C19orf38: variants seen among roughly 807,000 people sequenced by gnomAD.
C19orf38 encodes the protein chromosome 19 open reading frame 38, also known as protein HIDE1.
Under a neutral mutation model 26.6 loss-of-function variants are expected in C19orf38, and 14 were observed. The observed-to-expected ratio is 0.53, with a 90% confidence interval of 0.35 to 0.82. The LOEUF is 0.82. C19orf38 is among the 40% of genes least tolerant of loss of function. The probability of loss-of-function intolerance (pLI) is 0.01; values close to 1 mark genes in which losing one functional copy is unlikely to be tolerated. For synonymous variants in C19orf38, 132 were observed against 128.5 expected, an observed-to-expected ratio of 1.03 and a Z score of -0.18; for missense variants, 261 against 299.5, an observed-to-expected ratio of 0.87 and a Z score of 0.95.
At chr19:10,866,398 G>GT (rs2073752265) in intron 6 of C19orf38, among the ~76,000 whole-genome samples, 1 of 144,706 alleles carries the variant, frequency 6.9e-6, no homozygotes, top group Non-Finnish European at 1.5e-5. Flanking sequence ...TAGAAGCGGA[G>GT]TTTCTCCATG....
chr19:10,854,548 C>A (rs768626146), intron 2 of C19orf38, among the ~76,000 whole-genome samples: 10 of 152,154 alleles, frequency 6.6e-5, no homozygotes, highest in Non-Finnish European at 1.3e-4. Flanking sequence ...ACCCCTTCTG[C>A]CCCAGGTGAA....
chr19:10,863,247 C>G (rs563624740), intron 6 of C19orf38, 40 bp downstream of exon 6: 2 of 1,543,402 alleles, frequency 1.3e-6, no homozygotes, highest in Non-Finnish European at 1.8e-6. Context: ...TTCTGCTGAC[C>G]GTCCTACCGG....
At chr19:10,847,989 G>A (rs2073531687), upstream of C19orf38, among the ~76,000 whole-genome samples, 2 of 151,946 alleles carry the variant, frequency 1.3e-5, no homozygotes, top group African/African-American at 4.8e-5. Flanking sequence ...TCAAGAGATC[G>A]AGACCATCCT....
chr19:10,865,975 G>C (rs2073747293), intron 6 of C19orf38, among the ~76,000 whole-genome samples: 1 of 151,626 alleles, frequency 6.6e-6, no homozygotes, highest in South Asian at 2.1e-4. Flanking sequence ...ACCATGCCCA[G>C]CTAGTTTATT....
rs947826992 is a variant in C19orf38, at chr19:10,850,268, C to T, written c.41C>T (p.Ala14Val). Residue 14 changes from alanine to valine, a missense_variant, in exon 2 of 7, where the codon GCG becomes GTG. Transcript: ENST00000397820. ...TILLFAAGSL[A>V]IPAPSIRLVP... ...ACCCTCTGCATTGCAGGCTCCTTGG[C>T]GATCCCAGCACCATCCATCCGGCTG... is the stretch of plus-strand genomic sequence containing the variant. The T allele has an allele frequency of 7.1e-6, 11 of 1,549,534 alleles. No homozygotes were observed. The African/African-American group carries it at 1.1e-4, about 15-fold the overall frequency.
intron 5 of C19orf38, among the ~76,000 whole-genome samples, chr19:10,862,548 G>A (rs2073709674): frequency 6.6e-6 from 1 of 152,050 alleles, no homozygotes; most frequent in Non-Finnish European, 1.5e-5. Context: ...GGGTAATGGA[G>A]GCCGGGTGTG....
At chr19:10,857,872 C>A (rs1191955915) in intron 3 of C19orf38, among the ~76,000 whole-genome samples, 1 of 144,348 alleles carries the variant, frequency 6.9e-6, no homozygotes, top group Non-Finnish European at 1.5e-5. Context: ...CAGAACGAGA[C>A]TCTGTCTCAA....
At chr19:10,844,675 G>A (rs1256586113), upstream of C19orf38, among the ~76,000 whole-genome samples, 1 of 151,006 alleles carries the variant, frequency 6.6e-6, no homozygotes, top group Admixed American at 6.6e-5. Flanking sequence ...GTGAAATCCC[G>A]TCTCTACTAA....
chr19:10,865,362 G>A (rs1343679362), intron 6 of C19orf38, among the ~76,000 whole-genome samples: 1 of 152,190 alleles, frequency 6.6e-6, no homozygotes, highest in East Asian at 1.9e-4. Context: ...GGCCAGGCTG[G>A]TCTCCAACAA....
chr19:10,846,141 T>C (rs1453735118), upstream of C19orf38, among the ~76,000 whole-genome samples: 1 of 151,564 alleles, frequency 6.6e-6, no homozygotes, highest in East Asian at 2.0e-4. Flanking sequence ...ATGATCATGC[T>C]GCTTCACTGT....
chr19:10,841,530 C>T (rs1336087559), intron 1 of C19orf38, among the ~76,000 whole-genome samples: 11 of 151,860 alleles, frequency 7.2e-5, no homozygotes, highest in Middle Eastern at 3.4e-3. Flanking sequence ...CAGTGGCTCA[C>T]GCCTGTAATC....
chr19:10,850,591 A>G (rs1252211317), intron 2 of C19orf38, 24 bp downstream of exon 2: 3 of 1,545,170 alleles, frequency 1.9e-6, no homozygotes, highest in Non-Finnish European at 2.6e-6. Context: ...ATGGGATCTC[A>G]CTGCCGGGGG....
rs113814519 is a variant in C19orf38 at position 10,863,144 on chromosome 19, G to C, written c.506-26G>C. On this transcript the variant is annotated intron_variant, in intron 5 of 6. Transcript: ENST00000397820. Reference sequence around the variant, plus strand: ...GAAGTTACAACTGGCCCCCAATCCTGGGTTTTCTTTCTCTTTCTGTTTCAG... The same window carrying C: ...GAAGTTACAACTGGCCCCCAATCCTCGGTTTTCTTTCTCTTTCTGTTTCAG... 3.0e-5 allele frequency: 47 copies of C among 1,549,858 alleles called. No individual in the cohort carries two copies. The African/African-American group carries it at 6.2e-4, about 20-fold the overall frequency.
chr19:10,865,515 C>G (rs184683801), intron 6 of C19orf38, among the ~76,000 whole-genome samples: 232 of 151,718 alleles, frequency 1.5e-3, no homozygotes, highest in Non-Finnish European at 2.8e-3. Flanking sequence ...GCCTGTAATC[C>G]CATCACTTTA....
chr19:10,857,539 G>A (rs2073642363), intron 3 of C19orf38, among the ~76,000 whole-genome samples: 3 of 148,102 alleles, frequency 2.0e-5, no homozygotes, highest in South Asian at 4.3e-4. Context: ...TCAGCCTCCC[G>A]AGTAGCTGGG....
chr19:10,857,368 T>TATATATATATATATA (rs1568336575), intron 3 of C19orf38, among the ~76,000 whole-genome samples: 1 of 44,702 alleles, frequency 2.2e-5, no homozygotes, highest in South Asian at 7.7e-4. Context: ...ATATATATAT[T>TATATATATATATATA]TTTTTTTTTT....
At chr19:10,850,183 A>G (rs1599660076) in intron 1 of C19orf38, 76 bp from the exon 2 acceptor site, 1 of 1,372,578 alleles carries the variant, frequency 7.3e-7, no homozygotes, top group Non-Finnish European at 9.8e-7. Flanking sequence ...AGGGTGGTCT[A>G]CTTGCCCGAG....
chr19:10,838,027 A>G (rs1324774578), intron 1 of C19orf38, among the ~76,000 whole-genome samples: 1 of 152,188 alleles, frequency 6.6e-6, no homozygotes, highest in Non-Finnish European at 1.5e-5. Context: ...CCTGGGCTCA[A>G]GCCATCTGCC....
intron 6 of C19orf38, among the ~76,000 whole-genome samples, chr19:10,869,007 A>G (rs1762320207): frequency 6.6e-6 from 1 of 151,572 alleles, no homozygotes; most frequent in Admixed American, 6.6e-5. Flanking sequence ...TATAAAGTGA[A>G]GGAACTGGTG....
Sources: allele counts gnomAD v4.1 joint callset (sites outside exome capture counted in the v4.1 genomes callset), GRCh38; gene constraint gnomAD v4.1.1; transcripts MANE v1.5; gene names NCBI Gene and HGNC (gene_info 2026-07-23, HGNC 2026-07-21).